Variants in KALRN observed in about 807,000 individuals in gnomAD.
The protein encoded by KALRN is kalirin RhoGEF kinase.
In KALRN, 70 loss-of-function variants were observed where a neutral mutation model predicts 353.7. The ratio of observed to expected loss-of-function variants is 0.20; its 90% CI spans 0.16 to 0.24. KALRN has a LOEUF of 0.24. KALRN is among the 10% of genes least tolerant of loss of function. The pLI, the probability that KALRN is intolerant of heterozygous loss-of-function variation, is 1.00. For synonymous variants in KALRN, 1,391 were observed against 1,434.8 expected (o/e 0.97, Z 0.69); for missense variants, 2,791 against 3,756.7 (o/e 0.74, Z 6.72).
chr3:124,117,647 G>A (rs1219901602), intron 1 of KALRN, among the ~76,000 whole-genome samples: 1 of 152,058 alleles, frequency 6.6e-6, no homozygotes, highest in Non-Finnish European at 1.5e-5. Flanking sequence ...GGGGAGTGGG[G>A]TGGGTGGTGT....
intron 23 of KALRN, among the ~76,000 whole-genome samples, chr3:124,457,931 A>T (rs1350716430): frequency 6.6e-6 from 1 of 152,042 alleles, no homozygotes; most frequent in African/African-American, 2.4e-5. Flanking sequence ...CTTCAGTCAG[A>T]TCATTTTCAC....
chr3:124,081,223 A>G (rs1279507261), intron 1 of KALRN, among the ~76,000 whole-genome samples: 1 of 152,198 alleles, frequency 6.6e-6, no homozygotes, highest in Non-Finnish European at 1.5e-5. Flanking sequence ...TCTGTTATTT[A>G]AAATAGATCC....
chr3:124,418,493 A>G (rs1335824169), intron 14 of KALRN, among the ~76,000 whole-genome samples: 1 of 152,222 alleles, frequency 6.6e-6, no homozygotes, highest in Non-Finnish European at 1.5e-5. Flanking sequence ...AGACAGAGGA[A>G]TGGAGAGGGG....
At chr3:124,079,113 G>C (rs1323506749) in intron 1 of KALRN, among the ~76,000 whole-genome samples, 3 of 152,188 alleles carry the variant, frequency 2.0e-5, no homozygotes, top group Non-Finnish European at 4.4e-5. Flanking sequence ...GTGTTTTTCT[G>C]ACCCTACAGA....
chr3:124,568,894 T>A (rs1273827170), intron 34 of KALRN, among the ~76,000 whole-genome samples: 1 of 152,154 alleles, frequency 6.6e-6, no homozygotes, highest in East Asian at 1.9e-4. Context: ...ATGAAAAATG[T>A]TCTGGAGATG....
At chr3:124,185,594 C>T (rs899345607) in intron 1 of KALRN, among the ~76,000 whole-genome samples, 9 of 152,204 alleles carry the variant, frequency 5.9e-5, no homozygotes, top group Admixed American at 3.9e-4. Flanking sequence ...CTGACTCTGT[C>T]GTGAGCAGTA....
At position 124,722,886 on chromosome 3, in the gene KALRN, T is replaced by C. The variant is rs1579113756; in HGVS notation, c.*3416T>C. ...AGGGTTTTGAGCTTTTTGTTTTGTT[T>C]TGTTTTGTAAGGGTGGGATACAGAA... On this transcript the variant is annotated 3_prime_UTR_variant, in exon 60 of 60. Transcript: ENST00000682506. The C allele has an allele frequency of 6.6e-6, 1 of 152,208 alleles. No homozygotes were observed. The highest frequency in any genetic ancestry group is 6.5e-5 in the Admixed American group (1 of 15,286). The allele number at this position is 152,208 out of a possible 1,614,324, so 9.4% of individuals were successfully genotyped here.
rs188068269 is a variant in KALRN at position 124,365,753 on chromosome 3, G to A, written c.1770+18488G>A. 4.9e-4 allele frequency among the ~76,000 whole-genome samples: 75 copies of A among 152,302 alleles called. 1 individual carries two copies. The East Asian group carries it at 0.011, about 23-fold the overall frequency. ...CACACATGGAGGAACCCAAGGTCCA[G>A]ACTCCCTGCCTGTCATTCTGTGCTG... is the stretch of plus-strand genomic sequence containing the variant. On this transcript the variant is annotated intron_variant, in intron 10 of 59. Transcript: ENST00000682506.
At chr3:124,255,011 T>C (rs2071741572) in intron 3 of KALRN, among the ~76,000 whole-genome samples, 1 of 152,128 alleles carries the variant, frequency 6.6e-6, no homozygotes, top group Admixed American at 6.5e-5. Flanking sequence ...AATGGTGCGA[T>C]CTCAGCTCAC....
intron 5 of KALRN, among the ~76,000 whole-genome samples, chr3:124,281,634 G>C (rs546810923): frequency 4.9e-4 from 74 of 152,334 alleles, no homozygotes; most frequent in Admixed American, 1.2e-3. Context: ...GTTCTGCCCT[G>C]TTGGAGGTGC....
chr3:124,169,162 G>C (rs1301652473), intron 1 of KALRN, among the ~76,000 whole-genome samples: 3 of 152,174 alleles, frequency 2.0e-5, no homozygotes, highest in Admixed American at 2.0e-4. Context: ...AACACATAGT[G>C]GTGGAAGGCT....
At chr3:124,060,789 A>T (rs1483235739) in intron 1 of KALRN, among the ~76,000 whole-genome samples, 2 of 152,204 alleles carry the variant, frequency 1.3e-5, no homozygotes, top group African/African-American at 2.4e-5. Flanking sequence ...GATGGCTGAC[A>T]CCATGACTTG....
chr3:124,206,543 A>G (rs1266997027), intron 1 of KALRN, among the ~76,000 whole-genome samples: 3 of 152,216 alleles, frequency 2.0e-5, no homozygotes, highest in Non-Finnish European at 4.4e-5. Context: ...AGTCACCACT[A>G]TGGATATAGG....
At chr3:124,585,036 G>T in intron 34 of KALRN, 1 of 1,134,924 alleles carries the variant, frequency 8.8e-7, no homozygotes, top group Non-Finnish European at 1.2e-6. Context: ...GGGATCAGGA[G>T]GGCGGCGAAG....
chr3:124,499,867 G>T (rs1394788118), intron 33 of KALRN, among the ~76,000 whole-genome samples: 1 of 152,136 alleles, frequency 6.6e-6, no homozygotes. Flanking sequence ...TCTCTGATTA[G>T]AAGTCCTCAG....
At chr3:124,255,302 C>T (rs548455752) in intron 3 of KALRN, among the ~76,000 whole-genome samples, 1 of 152,246 alleles carries the variant, frequency 6.6e-6, no homozygotes, top group African/African-American at 2.4e-5. Context: ...AGTCTTTGCT[C>T]CTCATGTGGG....
chr3:124,294,747 G>A (rs914819663), intron 5 of KALRN, among the ~76,000 whole-genome samples: 1 of 152,078 alleles, frequency 6.6e-6, no homozygotes, highest in East Asian at 1.9e-4. Context: ...TATTCAAAAA[G>A]ATAGAAATGT....
rs551672600 is a variant in KALRN at position 124,553,079 on chromosome 3, T to G, written c.4936-9764T>G. Among the ~76,000 whole-genome samples the G allele has an allele frequency of 2.6e-5, 4 of 152,360 alleles. No individual in the cohort carries two copies. In the South Asian group the frequency reaches 8.3e-4, roughly 32 times the overall value. ...CCGCGCCCAGCCCTGGAAATGGATT[T>G]CTACTCCCTCGACACAAGATATCAG... is the stretch of plus-strand genomic sequence containing the variant. On this transcript the variant is annotated intron_variant, in intron 33 of 59. Coordinates refer to ENST00000682506, the MANE Select transcript of KALRN (RefSeq NM_001388419.1).
chr3:124,647,642 T>C (rs997552166), intron 37 of KALRN, among the ~76,000 whole-genome samples: 1 of 152,226 alleles, frequency 6.6e-6, no homozygotes, highest in Non-Finnish European at 1.5e-5. Flanking sequence ...GCTTAGATTA[T>C]GGAGGCCAGG....
Sources: allele counts gnomAD v4.1 joint callset (sites outside exome capture counted in the v4.1 genomes callset), GRCh38; gene constraint gnomAD v4.1.1; transcripts MANE v1.5; gene names NCBI Gene and HGNC (gene_info 2026-07-23, HGNC 2026-07-21).